Variants in FAM177B observed in about 807,000 individuals in gnomAD.
The protein encoded by FAM177B is family with sequence similarity 177 member B, also known as protein FAM177B.
Under a neutral mutation model 16.1 loss-of-function variants are expected in FAM177B, and 16 were observed. The observed-to-expected ratio is 0.99, with a 90% CI of 0.67 to 1.51. The LOEUF (loss-of-function observed/expected upper bound fraction) is 1.51, where lower values mean the gene tolerates loss of function less well. Ranked by LOEUF, FAM177B falls within the 40% of genes most tolerant of loss-of-function variation. The pLI is 0.00. For missense variants in FAM177B, 178 were observed against 183.7 expected (o/e 0.97, Z 0.18); for synonymous variants, 56 against 59.9 (o/e 0.93, Z 0.30).
chr1:222,745,414 C>A (rs1658745535), intron 2 of FAM177B, among the ~76,000 whole-genome samples: 1 of 151,950 alleles, frequency 6.6e-6, no homozygotes, highest in South Asian at 2.1e-4. Flanking sequence ...GAGTTCAAGA[C>A]CAGCCTAGGT....
At chr1:222,747,274 C>T in intron 4 of FAM177B, 193 bp downstream of exon 4, 1 of 541,760 alleles carries the variant, frequency 1.8e-6, no homozygotes, top group Non-Finnish European at 3.3e-6. Flanking sequence ...TTTACCAACT[C>T]TCATCAGGAA....
In FAM177B at chr1:222,750,072, G is replaced by C. The variant is rs768651396; in HGVS notation, c.*14G>C. ...ATTCCTCAGTGAAGCACCTCATCCA[G>C]GGAGGGTCTGGTGGCAGATCCTAGC... On this transcript the variant is annotated 3_prime_UTR_variant, in exon 6 of 6. Transcript: ENST00000445590. 1 of 1,609,372 alleles carries C rather than the reference G, an allele frequency of 6.2e-7. No individual in the cohort carries two copies.
chr1:222,750,883 T>C lies in FAM177B; in HGVS notation c.*825T>C. On this transcript the variant is annotated 3_prime_UTR_variant, in exon 6 of 6. Transcript: ENST00000445590. ...CAGTTTCACTTCTCCCATTTACTAG[T>C]TGTGTGATTTGAGATGTCTAGATTT... 1 of 152,024 alleles carries C rather than the reference T, an allele frequency of 6.6e-6. No individual in the cohort carries two copies. Among genetic ancestry groups the C allele is most frequent in the South Asian group, 2.1e-4 (1 of 4,818 alleles). 9.4% of individuals were successfully genotyped at this position (152,024 alleles called of 1,614,324 possible). A position where few individuals can be genotyped will look rare whatever the true frequency, so the allele number is the denominator to read the frequency against.
chr1:222,744,454 A>G (rs2125062279), intron 2 of FAM177B, among the ~76,000 whole-genome samples: 1 of 151,102 alleles, frequency 6.6e-6, no homozygotes, highest in South Asian at 2.1e-4. Flanking sequence ...CCTGGGCAAC[A>G]AGAGTGAAAC....
chr1:222,749,566 T>A lies in FAM177B; in HGVS notation c.339+4T>A. On this transcript the variant is annotated splice_donor_region_variant and intron_variant, in intron 5 of 5. Transcript: ENST00000445590. ...GTTCTATAGGATACAAAACAAGGTA[T>A]GTGACACTCTGATGGAAACAAGGGG... The A allele has an allele frequency of 6.5e-7, 1 of 1,527,046 alleles. No homozygotes were observed. The highest frequency in any genetic ancestry group is 1.2e-5 in the South Asian group (1 of 86,870). The allele number at this position is 1,527,046 out of a possible 1,614,324, so 94.6% of individuals were successfully genotyped here.
intron 4 of FAM177B, 77 bp downstream of exon 4, chr1:222,747,158 T>C (rs1446677846): frequency 9.2e-6 from 9 of 979,304 alleles, no homozygotes; most frequent in Non-Finnish European, 1.3e-5. Context: ...ATGTGGGACT[T>C]CCAATTGTGT....
intron 1 of FAM177B, among the ~76,000 whole-genome samples, chr1:222,737,658 T>C (rs765373858): frequency 2.3e-4 from 35 of 152,072 alleles, no homozygotes; most frequent in Admixed American, 6.6e-5. Context: ...ATGAGGAGTT[T>C]GGCTTTTACT....
chr1:222,737,696 GTT>G (rs1658343320), intron 1 of FAM177B, among the ~76,000 whole-genome samples: 1 of 152,178 alleles, frequency 6.6e-6, no homozygotes, highest in Admixed American at 6.5e-5. Context: ...CCACTGGAGA[GTT>G]TTAAGCAAAG....
At chr1:222,744,561 A>G (rs977983668) in intron 2 of FAM177B, among the ~76,000 whole-genome samples, 9 of 152,048 alleles carry the variant, frequency 5.9e-5, no homozygotes, top group African/African-American at 1.2e-4. Flanking sequence ...TAAGTAAATT[A>G]TAGGTACTTA....
At chr1:222,744,468 A>G (rs34085182) in intron 2 of FAM177B, among the ~76,000 whole-genome samples, 115,003 of 144,668 alleles carry the variant, frequency 0.79, 45,909 homozygotes, top group Admixed American at 0.84. Flanking sequence ...GTGAAACTCC[A>G]TCTCAAAAAA....
At position 222,749,980 on chromosome 1, in the gene FAM177B, T is replaced by A; in HGVS notation, c.399T>A (p.Asn133Lys). The A allele has an allele frequency of 6.2e-7, 1 of 1,614,080 alleles. No individual in the cohort carries two copies. Among genetic ancestry groups the A allele is most frequent in the Non-Finnish European group, 8.5e-7 (1 of 1,179,952 alleles). ...AGGCCCAGGCAGCTGAGGTTCCTAATGAAAAGTGTCACTTGGAGGCTGGGG... is the reference window on the plus strand; with the variant it reads ...AGGCCCAGGCAGCTGAGGTTCCTAAAGAAAAGTGTCACTTGGAGGCTGGGG... ...GSKAQAAEVP[N>K]EKCHLEAGVQ... The change falls in exon 6 of 6, where the codon AAT becomes AAA. Residue 133 changes from asparagine to lysine, a missense_variant. Physicochemically the swap from Asn to Lys is moderately conservative, Grantham distance 94. Transcript: ENST00000445590.
chr1:222,739,133 G>C (rs74840046), intron 2 of FAM177B, among the ~76,000 whole-genome samples: 287 of 152,236 alleles, frequency 1.9e-3, no homozygotes, highest in Non-Finnish European at 3.3e-3. Context: ...TGTTTCATTT[G>C]GTTTGGAAAT....
At chr1:222,741,907 T>TCCCTCCCTCC (rs1357508903) in intron 2 of FAM177B, among the ~76,000 whole-genome samples, 2 of 13,038 alleles carry the variant, frequency 1.5e-4, no homozygotes, top group South Asian at 5.1e-3. Flanking sequence ...CCTCCCTCCC[T>TCCCTCCCTCC]CTCTCTCTCT....
intron 2 of FAM177B, among the ~76,000 whole-genome samples, chr1:222,741,893 CCTCCCTCCCTCCCTCT>C (rs1441803587): frequency 2.1e-4 from 9 of 42,138 alleles, no homozygotes; most frequent in African/African-American, 8.5e-4. Flanking sequence ...TCCTTCCCTC[CCTCCCTCCCTCCCTCT>C]CTCTCTCTCT....
chr1:222,742,627 A>T (rs530593224), intron 2 of FAM177B: 1 of 152,284 alleles, frequency 6.6e-6, no homozygotes, highest in East Asian at 1.9e-4. Context: ...AAGGTCCTGG[A>T]TAATTTTTGT....
rs759652487 is a variant in FAM177B at position 222,749,555 on chromosome 1, A to C, written c.332A>C (p.Gln111Pro). ...GTGTTAAACGAGTTCTATAGGATAC[A>C]AAACAAGGTATGTGACACTCTGATG... is the stretch of plus-strand genomic sequence containing the variant. Reference protein sequence around the residue: ...QYVLNEFYRIQNKKSDNKSER... With the variant: ...QYVLNEFYRIPNKKSDNKSER... Residue 111 changes from glutamine (Q) to proline (P), a missense_variant, in exon 5 of 6, where the codon CAA (glutamine) becomes CCA (proline). Gln to Pro is a moderately conservative substitution (Grantham distance 76, BLOSUM62 -1). Transcript: ENST00000445590. 5 of 1,579,866 alleles carry C rather than the reference A, an allele frequency of 3.2e-6. No homozygotes were observed. Among genetic ancestry groups the C allele is most frequent in the Non-Finnish European group, 4.3e-6 (5 of 1,152,586 alleles).
intron 2 of FAM177B, among the ~76,000 whole-genome samples, chr1:222,744,947 A>T (rs1658726733): frequency 6.6e-6 from 1 of 152,122 alleles, no homozygotes; most frequent in Admixed American, 6.5e-5. Flanking sequence ...GTTAATCTTA[A>T]CCCCTACCCA....
At chr1:222,748,661 T>A (rs1020420202) in intron 4 of FAM177B, among the ~76,000 whole-genome samples, 1 of 152,206 alleles carries the variant, frequency 6.6e-6, no homozygotes, top group South Asian at 2.1e-4. Flanking sequence ...ATTTTAATAT[T>A]TTTTTAAAAA....
intron 2 of FAM177B, among the ~76,000 whole-genome samples, chr1:222,739,520 G>A (rs987368998): frequency 7.9e-5 from 12 of 152,168 alleles, no homozygotes; most frequent in African/African-American, 2.7e-4. Flanking sequence ...GGTCTTAGGT[G>A]TGGCCTGTCT....
Sources: gnomAD v4.1 joint callset for allele counts (sites outside exome capture counted in the v4.1 genomes callset) on GRCh38, gnomAD v4.1.1 for gene constraint, MANE v1.5 for transcripts, NCBI Gene and HGNC (gene_info 2026-07-23, HGNC 2026-07-21) for gene names.